Variants in NMT2 observed in about 807,000 individuals in gnomAD.
The protein encoded by NMT2 is N-myristoyltransferase 2.
Under a neutral mutation model 65.4 loss-of-function variants are expected in NMT2, and 35 were observed. That is an observed-to-expected ratio of 0.54 (90% CI 0.41 to 0.71). NMT2 has a LOEUF of 0.71. Ranked by LOEUF, NMT2 falls within the 30% of genes least tolerant of loss-of-function variation. NMT2 has a pLI of 0.00. For synonymous variants in NMT2, 226 were observed against 231.8 expected, an observed-to-expected ratio of 0.98 and a Z score of 0.23; for missense variants, 489 against 611.3, an observed-to-expected ratio of 0.80 and a Z score of 2.11.
chr10:15,164,340 GA>G (rs1833306067), intron 1 of NMT2, among the ~76,000 whole-genome samples: 1 of 152,018 alleles, frequency 6.6e-6, no homozygotes. Flanking sequence ...AATATTGAGG[GA>G]AAAGCTCTCT....
At chr10:15,132,078 T>G (rs912394697) in intron 6 of NMT2, among the ~76,000 whole-genome samples, 3 of 152,168 alleles carry the variant, frequency 2.0e-5, no homozygotes, top group Non-Finnish European at 4.4e-5. Context: ...TTGGCCAGGC[T>G]GGTCTCGAAC....
At position 15,107,955 on chromosome 10, in the gene NMT2, CAT is replaced by C. The variant is rs1845363294; in HGVS notation, c.*1238_*1239del. 10 of 985,378 alleles carry C rather than the reference CAT, an allele frequency of 1.0e-5. No homozygotes were observed. Among genetic ancestry groups the C allele is most frequent in the African/African-American group, 1.7e-5 (1 of 57,338 alleles). The allele number at this position is 985,378 out of a possible 1,614,324, so 61.0% of individuals were successfully genotyped here. On this transcript the variant is annotated 3_prime_UTR_variant, in exon 12 of 12. Transcript: ENST00000378165. ...TAAGACATTTTCCATTAGCATGACACATGACAGTTTTCATGATAAAATCAGCA... is the reference window on the plus strand; with the variant it reads ...TAAGACATTTTCCATTAGCATGACACGACAGTTTTCATGATAAAATCAGCA...
At chr10:15,110,313 T>A (rs1380721663) in intron 10 of NMT2, among the ~76,000 whole-genome samples, 1 of 151,444 alleles carries the variant, frequency 6.6e-6, no homozygotes, top group East Asian at 2.0e-4. Flanking sequence ...TTGAAAATTG[T>A]CTTATAAAAC....
At chr10:15,136,355 AAGG>A (rs956295071) in intron 2 of NMT2, among the ~76,000 whole-genome samples, 11 of 144,300 alleles carry the variant, frequency 7.6e-5, no homozygotes, top group Admixed American at 2.1e-4. Flanking sequence ...GAAAAGAAAA[AAGG>A]AGGGAGGGAG....
intron 1 of NMT2, among the ~76,000 whole-genome samples, chr10:15,157,806 T>G (rs1017770576): frequency 3.3e-5 from 5 of 152,206 alleles, no homozygotes; most frequent in African/African-American, 1.2e-4. Flanking sequence ...GTGTTCAGGT[T>G]GGTAATCAAT....
chr10:15,166,133 T>C (rs1335952388), intron 1 of NMT2, among the ~76,000 whole-genome samples: 1 of 152,196 alleles, frequency 6.6e-6, no homozygotes, highest in East Asian at 1.9e-4. Context: ...AAGACTCTAA[T>C]TGGGTATTTT....
chr10:15,107,647 G>T lies in NMT2; in HGVS notation c.*1548C>A. ...TTTTTGAATTTTTAGTAGAGATGGG[G>T]TTTCACCATGTTGGCCAGGCTGGTC... is the stretch of plus-strand genomic sequence containing the variant. On this transcript the variant is annotated 3_prime_UTR_variant, in exon 12 of 12. Coordinates refer to ENST00000378165, the MANE Select transcript of NMT2 (RefSeq NM_004808.3). 1 of 506,932 alleles carries T rather than the reference G, an allele frequency of 2.0e-6. No homozygotes were observed. Among genetic ancestry groups the T allele is most frequent in the Non-Finnish European group, 2.5e-6 (1 of 393,380 alleles). 31.4% of individuals were successfully genotyped at this position (506,932 alleles called of 1,614,324 possible).
At chr10:15,144,100 C>T (rs1381632284) in intron 1 of NMT2, among the ~76,000 whole-genome samples, 1 of 152,022 alleles carries the variant, frequency 6.6e-6, no homozygotes, top group Non-Finnish European at 1.5e-5. Context: ...TTCTTCCAAA[C>T]GGTGTTGCTA....
At chr10:15,158,710 T>C (rs182287741) in intron 1 of NMT2, among the ~76,000 whole-genome samples, 1 of 152,306 alleles carries the variant, frequency 6.6e-6, no homozygotes, top group Non-Finnish European at 1.5e-5. Flanking sequence ...CAGCCTGCTA[T>C]TACAGAATAC....
chr10:15,159,803 C>G (rs1339860695), intron 1 of NMT2, among the ~76,000 whole-genome samples: 1 of 152,196 alleles, frequency 6.6e-6, no homozygotes, highest in Non-Finnish European at 1.5e-5. Flanking sequence ...ACCCACATCT[C>G]CCATTTGTGA....
intron 1 of NMT2, among the ~76,000 whole-genome samples, chr10:15,155,535 GTTTTTTTTTTTTTTT>G (rs71390015): frequency 1.7e-4 from 10 of 59,338 alleles, no homozygotes; most frequent in Admixed American, 3.0e-4. Context: ...TGCCGGGCTA[GTTTTTTTTTTTTTTT>G]TTTTTTTTTT....
intron 1 of NMT2, among the ~76,000 whole-genome samples, chr10:15,153,302 G>A (rs1288484956): frequency 1.3e-5 from 2 of 152,210 alleles, no homozygotes; most frequent in South Asian, 2.1e-4. Context: ...GTTGATCTAC[G>A]TATTTTGATA....
At chr10:15,148,808 A>C (rs1472501057) in intron 1 of NMT2, among the ~76,000 whole-genome samples, 3 of 152,128 alleles carry the variant, frequency 2.0e-5, no homozygotes, top group African/African-American at 4.8e-5. Context: ...AATAAAAAAA[A>C]ATTAAGAAAA....
intron 1 of NMT2, 135 bp downstream of exon 1, chr10:15,168,368 C>T: frequency 1.6e-6 from 1 of 641,896 alleles, no homozygotes; most frequent in Non-Finnish European, 2.6e-6. Context: ...ACCATGGGCT[C>T]CGCGCCACGG....
intron 1 of NMT2, among the ~76,000 whole-genome samples, chr10:15,160,798 C>T (rs1588461975): frequency 6.6e-6 from 1 of 151,562 alleles, no homozygotes; most frequent in African/African-American, 2.4e-5. Flanking sequence ...AAAGGACAGG[C>T]GATCCCAGCA....
chr10:15,141,084 A>G, intron 2 of NMT2: 2 of 1,433,084 alleles, frequency 1.4e-6, no homozygotes, highest in South Asian at 1.2e-5. Context: ...ATATCTTCTG[A>G]ACGAAAAGTA....
At chr10:15,121,373 G>A (rs1845925198) in intron 8 of NMT2, among the ~76,000 whole-genome samples, 1 of 152,144 alleles carries the variant, frequency 6.6e-6, no homozygotes, top group East Asian at 1.9e-4. Flanking sequence ...GGGGAAAACA[G>A]GTGTTTTTTT....
chr10:15,109,926 G>T, intron 10 of NMT2, 87 bp from the exon 11 acceptor site: 2 of 1,028,150 alleles, frequency 1.9e-6, no homozygotes, highest in Non-Finnish European at 2.8e-6. Context: ...TCTACTAATA[G>T]CTCGAATATG....
chr10:15,167,843 G>C (rs975414320), intron 1 of NMT2, among the ~76,000 whole-genome samples: 3 of 152,224 alleles, frequency 2.0e-5, no homozygotes, highest in African/African-American at 7.2e-5. Context: ...GTCAGCGGGA[G>C]CCCGGTTCAG....
Sources: allele counts gnomAD v4.1 joint callset (sites outside exome capture counted in the v4.1 genomes callset), GRCh38; gene constraint gnomAD v4.1.1; transcripts MANE v1.5; gene names NCBI Gene and HGNC (gene_info 2026-07-23, HGNC 2026-07-21).